Variants in P2RX4 observed in about 807,000 individuals in gnomAD.
P2RX4 encodes P2X purinoceptor 4.
P2RX4 carries 37 observed loss-of-function variants against 48.0 expected under a neutral mutation model. The ratio of observed to expected loss-of-function variants is 0.77; its 90% CI spans 0.59 to 1.01. The LOEUF (loss-of-function observed/expected upper bound fraction) is 1.01, where lower values mean the gene tolerates loss of function less well. P2RX4 is among the 50% of genes least tolerant of loss of function. P2RX4 has a pLI of 0.00. For missense variants in P2RX4, 501 were observed against 521.4 expected, an observed-to-expected ratio of 0.96 and a Z score of 0.38; for synonymous variants, 200 against 199.7, an observed-to-expected ratio of 1.00 and a Z score of -0.01.
intron 5 of P2RX4, among the ~76,000 whole-genome samples, chr12:121,225,485 A>G (rs1413161852): frequency 6.6e-6 from 1 of 151,874 alleles, no homozygotes; most frequent in Admixed American, 6.6e-5. Flanking sequence ...ATCTCTGTTC[A>G]CTGCAAGCTC....
chr12:121,222,398 G>GTTTTTTTTTTTTTTTTTTTTTTT, intron 4 of P2RX4: 1 of 425,548 alleles, frequency 2.3e-6, no homozygotes, highest in South Asian at 3.2e-5. Context: ...GTTTTTTCTT[G>GTTTTTTTTTTTTTTTTTTTTTTT]TTTTTTTTTT....
At chr12:121,217,985 A>T (rs986167824) in intron 2 of P2RX4, among the ~76,000 whole-genome samples, 1 of 152,136 alleles carries the variant, frequency 6.6e-6, no homozygotes, top group Non-Finnish European at 1.5e-5. Context: ...CCACACAGTC[A>T]AACCCGACAT....
At chr12:121,216,896 T>C (rs771825578) in intron 1 of P2RX4, 95 of 702,452 alleles carry the variant, frequency 1.4e-4, no homozygotes, top group Non-Finnish European at 2.3e-4. Flanking sequence ...GCCATCAGTG[T>C]GCTGAGTGCT....
At position 121,232,024 on chromosome 12, in the gene P2RX4, G is replaced by C. The variant is rs1356516986; in HGVS notation, c.885-390G>C. On this transcript the variant is annotated intron_variant, in intron 8 of 11. Transcript: ENST00000337233. This position sits in a 1 kb window ranked among gnomAD's most constrained non-coding sequence, Gnocchi z 4.3. ...CATCTCAAAAAAAAAAAAAAAAAAA[G>C]TCCCTGCACTGATGCTGTGTTGGGG... 1.0e-5 allele frequency among the ~76,000 whole-genome samples: 1 copy of C among 99,816 alleles called. No individual in the cohort carries two copies. Among genetic ancestry groups the C allele is most frequent in the South Asian group, 3.3e-4 (1 of 3,058 alleles). 65.5% of individuals were successfully genotyped at this position (99,816 alleles called of 152,430 possible).
At chr12:121,222,388 G>T (rs1481175280) in intron 4 of P2RX4, 36 of 541,054 alleles carry the variant, frequency 6.7e-5, no homozygotes, top group South Asian at 1.0e-4. Context: ...TGTTGTTGTT[G>T]TTTTTTCTTG....
chr12:121,210,855 G>A (rs1828239688), intron 1 of P2RX4, among the ~76,000 whole-genome samples: 1 of 152,232 alleles, frequency 6.6e-6, no homozygotes, highest in African/African-American at 2.4e-5. Context: ...CCCCTTGGCT[G>A]TAGGGGCTTC....
intron 2 of P2RX4, among the ~76,000 whole-genome samples, chr12:121,217,912 G>A (rs1271620431): frequency 6.6e-6 from 1 of 152,156 alleles, no homozygotes; most frequent in East Asian, 1.9e-4. Flanking sequence ...CTAGTCTTCA[G>A]GCTGTTAATC....
rs1166423209 is a variant in P2RX4 at position 121,233,915 on chromosome 12, G to A, written c.*366G>A. The A allele has an allele frequency of 1.7e-5, 5 of 302,416 alleles. No individual in the cohort carries two copies. Among genetic ancestry groups the A allele is most frequent in the African/African-American group, 6.3e-5 (3 of 47,294 alleles). The allele number at this position is 302,416 out of a possible 1,614,324, so 18.7% of individuals were successfully genotyped here. A position where few individuals can be genotyped will look rare whatever the true frequency, so the allele number is the denominator to read the frequency against. ...GGACAGGCCCAGTCCTCTGAGGCAC[G>A]GCGGCTCTGTTCAAGCACTTTATGC... On this transcript the variant is annotated 3_prime_UTR_variant, in exon 12 of 12. Transcript: ENST00000337233.
At chr12:121,222,863 GGGCTCTC>G in intron 4 of P2RX4, 77 bp from the exon 5 acceptor site, 1 of 1,400,908 alleles carries the variant, frequency 7.1e-7, no homozygotes, top group South Asian at 1.2e-5. Context: ...AGGCTGGATG[GGGCTCTC>G]ACTCCCTACT....
chr12:121,222,821 A>AG (rs1886727148), intron 4 of P2RX4, 126 bp from the exon 5 acceptor site: 14 of 1,483,672 alleles, frequency 9.4e-6, no homozygotes, highest in Non-Finnish European at 1.2e-5. Context: ...TCTAAATCCC[A>AG]GATTTGCACA....
chr12:121,224,477 C>T (rs1886851742), intron 5 of P2RX4, among the ~76,000 whole-genome samples: 1 of 151,998 alleles, frequency 6.6e-6, no homozygotes, highest in Non-Finnish European at 1.5e-5. Flanking sequence ...TGGCGCTTGT[C>T]TGTAATCCCA....
chr12:121,233,629 C>A lies in P2RX4; in HGVS notation c.*80C>A. ...GGAGGGAGAAATGGCCACCACATCA[C>A]CCCAGAGAAATTTCTGGAATCTGAT... On this transcript the variant is annotated 3_prime_UTR_variant, in exon 12 of 12. Coordinates refer to ENST00000337233, the MANE Select transcript of P2RX4 (RefSeq NM_002560.3). 6.4e-7 allele frequency: 1 copy of A among 1,560,660 alleles called. No homozygotes were observed. The highest frequency in any genetic ancestry group is 8.7e-7 in the Non-Finnish European group (1 of 1,151,330).
At chr12:121,224,666 C>T (rs1371381627) in intron 5 of P2RX4, among the ~76,000 whole-genome samples, 1 of 151,704 alleles carries the variant, frequency 6.6e-6, no homozygotes, top group Non-Finnish European at 1.5e-5. Flanking sequence ...TAGCCAGGTT[C>T]AAGGTTGCTC....
intron 8 of P2RX4, among the ~76,000 whole-genome samples, chr12:121,230,966 G>T (rs1887308746): frequency 8.9e-6 from 1 of 112,598 alleles, no homozygotes; most frequent in African/African-American, 2.9e-5. Context: ...TATATATATA[G>T]CCATTATATA....
chr12:121,226,370 C>G (rs1343843013), intron 5 of P2RX4, among the ~76,000 whole-genome samples: 2 of 151,660 alleles, frequency 1.3e-5, no homozygotes, highest in African/African-American at 4.8e-5. Context: ...ATGGTGAAAC[C>G]CCCTCTCTAC....
At chr12:121,223,232 G>A (rs944213005) in intron 5 of P2RX4, 189 bp downstream of exon 5, 16 of 568,426 alleles carry the variant, frequency 2.8e-5, no homozygotes, top group African/African-American at 9.4e-5. Context: ...CCACCACCAC[G>A]CCCAACTAAT....
intron 8 of P2RX4, among the ~76,000 whole-genome samples, chr12:121,230,980 A>ATTTT: frequency 1.5e-5 from 2 of 129,178 alleles, no homozygotes; most frequent in Admixed American, 1.6e-4. Context: ...TTATATATAT[A>ATTTT]TATTTTTTTT....
chr12:121,217,150 G>A lies in P2RX4; in HGVS notation c.151G>A (p.Glu51Lys). Residue 51 changes from glutamate to lysine, a missense_variant, in exon 2 of 12, where the codon GAA becomes AAA. Around this residue, in one of 3 missense-constraint regions of P2RX4, gnomAD observed 295 missense variants for 275.3 expected, o/e 1.07. Coordinates refer to ENST00000337233, the MANE Select transcript of P2RX4 (RefSeq NM_002560.3). ...AYVIGWVFVW[E>K]KGYQETDSVV... Reference sequence around the variant, plus strand: ...ATTTTATAGGTGGGTGTTTGTGTGGGAAAAGGGCTACCAGGAAACTGACTC... The same window carrying A: ...ATTTTATAGGTGGGTGTTTGTGTGGAAAAAGGGCTACCAGGAAACTGACTC... 1 of 1,614,174 alleles carries A rather than the reference G, an allele frequency of 6.2e-7. No individual in the cohort carries two copies.
chr12:121,225,382 TTTA>T (rs1452738984), intron 5 of P2RX4, among the ~76,000 whole-genome samples: 1 of 150,884 alleles, frequency 6.6e-6, no homozygotes. Flanking sequence ...CCCGATTCTG[TTTA>T]TTATTTATTT....
Sources: gnomAD v4.1 joint callset for allele counts (sites outside exome capture counted in the v4.1 genomes callset) on GRCh38, gnomAD v4.1.1 for gene constraint, gnomAD v4.1.1 regional missense constraint, Gnocchi (gnomAD v3.1) non-coding constraint, MANE v1.5 for transcripts, NCBI Gene and HGNC (gene_info 2026-07-23, HGNC 2026-07-21) for gene names.